Variants in DLG2 observed in about 807,000 individuals in gnomAD.
The protein encoded by DLG2 is discs large MAGUK scaffold protein 2, also known as disks large homolog 2.
DLG2 carries 45 observed loss-of-function variants against 132.5 expected under a neutral mutation model. The ratio of observed to expected loss-of-function variants is 0.34; its 90% CI spans 0.27 to 0.44. The LOEUF (loss-of-function observed/expected upper bound fraction) is 0.44. DLG2 is among the 20% of genes least tolerant of loss of function. DLG2 has a pLI of 1.00. For missense variants in DLG2, 1,045 were observed against 1,196.9 expected, an observed-to-expected ratio of 0.87 and a Z score of 1.87; for synonymous variants, 424 against 419.6, an observed-to-expected ratio of 1.01 and a Z score of -0.13.
rs769206744 is a variant in DLG2, at chr11:83,456,919, G to T, written c.*2899C>A. ...TGCAAATAAATAGCCAAGAAATCCC[G>T]CAAAAGGCCTGCAAATAAATGGCCG... On this transcript the variant is annotated 3_prime_UTR_variant, in exon 28 of 28. Coordinates refer to ENST00000376104, the MANE Select transcript of DLG2 (RefSeq NM_001142699.3). 6.6e-6 allele frequency: 1 copy of T among 152,570 alleles called. No homozygotes were observed. The highest frequency in any genetic ancestry group is 1.5e-5 in the Non-Finnish European group (1 of 68,012). The allele number at this position is 152,570 out of a possible 1,614,324, so 9.5% of individuals were successfully genotyped here. A position where few individuals can be genotyped will look rare whatever the true frequency, so the allele number is the denominator to read the frequency against.
chr11:83,588,547 G>C (rs1036036628), intron 19 of DLG2, among the ~76,000 whole-genome samples: 1 of 152,048 alleles, frequency 6.6e-6, no homozygotes, highest in Non-Finnish European at 1.5e-5. Flanking sequence ...GGAAAAAACA[G>C]AACAGAAAAA....
chr11:84,440,022 T>G (rs187406271), intron 7 of DLG2, among the ~76,000 whole-genome samples: 1 of 152,338 alleles, frequency 6.6e-6, no homozygotes, highest in African/African-American at 2.4e-5. Context: ...TAAAACTTCA[T>G]GGATCACTAA....
intron 6 of DLG2, among the ~76,000 whole-genome samples, chr11:84,804,527 C>A (rs1440840924): frequency 1.3e-5 from 2 of 152,118 alleles, no homozygotes; most frequent in Non-Finnish European, 2.9e-5. Context: ...CAACTAGTGA[C>A]CCTGGGACCC....
intron 3 of DLG2, among the ~76,000 whole-genome samples, chr11:85,357,778 T>C (rs2083856646): frequency 7.2e-6 from 1 of 138,054 alleles, no homozygotes; most frequent in Non-Finnish European, 1.5e-5. Flanking sequence ...CTTTAAGTTC[T>C]AGGGTACATG....
chr11:83,921,555 C>T (rs1334439428), intron 15 of DLG2, among the ~76,000 whole-genome samples: 1 of 152,140 alleles, frequency 6.6e-6, no homozygotes, highest in Non-Finnish European at 1.5e-5. Context: ...CAATACACAT[C>T]AGTGGTTTTA....
intron 18 of DLG2, among the ~76,000 whole-genome samples, chr11:83,656,354 C>T (rs549662198): frequency 2.0e-5 from 3 of 152,304 alleles, no homozygotes; most frequent in Admixed American, 2.0e-4. Flanking sequence ...CCTTTCCACC[C>T]ATCATTTCCT....
chr11:85,555,799 C>T (rs1263155493), intron 3 of DLG2, among the ~76,000 whole-genome samples: 1 of 151,836 alleles, frequency 6.6e-6, no homozygotes, highest in Non-Finnish European at 1.5e-5. Flanking sequence ...TTTTCTGCCA[C>T]CTCCCTCAGA....
At chr11:83,535,596 C>T (rs537934921) in intron 20 of DLG2, among the ~76,000 whole-genome samples, 1 of 152,024 alleles carries the variant, frequency 6.6e-6, no homozygotes, top group Non-Finnish European at 1.5e-5. Flanking sequence ...GACACACACA[C>T]ATACACTCAC....
intron 19 of DLG2, among the ~76,000 whole-genome samples, chr11:83,607,387 G>GTAT (rs754183899): frequency 3.9e-5 from 6 of 152,158 alleles, no homozygotes; most frequent in Non-Finnish European, 8.8e-5. Flanking sequence ...CTCAGTTAAT[G>GTAT]TATTCATGAA....
In DLG2 at chr11:84,388,075, G is replaced by T. The variant is rs564516188; in HGVS notation, c.520-136784C>A. 3.9e-5 allele frequency among the ~76,000 whole-genome samples: 6 copies of T among 152,284 alleles called. No individual in the cohort carries two copies. In the East Asian group the frequency reaches 1.2e-3, roughly 29 times the overall value. On this transcript the variant is annotated intron_variant, in intron 7 of 27. Coordinates refer to ENST00000376104, the MANE Select transcript of DLG2 (RefSeq NM_001142699.3). ...TTCTATCTTCTTGTTGTTCTACACT[G>T]CACCATTATAGGTGCAACCATACAC...
intron 11 of DLG2, among the ~76,000 whole-genome samples, chr11:84,020,001 A>T (rs1052519063): frequency 2.0e-5 from 3 of 152,158 alleles, no homozygotes; most frequent in African/African-American, 7.2e-5. Flanking sequence ...AAGATGGCAG[A>T]TTCTGGACTA....
intron 4 of DLG2, among the ~76,000 whole-genome samples, chr11:85,262,592 A>C (rs747358124): frequency 2.6e-5 from 4 of 152,210 alleles, no homozygotes; most frequent in Non-Finnish European, 5.9e-5. Context: ...TAAATTTACT[A>C]AGGCTCTAGA....
At chr11:84,267,667 C>T (rs1023907839) in intron 7 of DLG2, among the ~76,000 whole-genome samples, 7 of 152,334 alleles carry the variant, frequency 4.6e-5, no homozygotes, top group African/African-American at 1.4e-4. Flanking sequence ...CAGAAAGTCA[C>T]AGTCCAGCCT....
intron 6 of DLG2, among the ~76,000 whole-genome samples, chr11:84,831,621 C>G (rs1190603997): frequency 6.6e-6 from 1 of 151,596 alleles, no homozygotes; most frequent in Admixed American, 6.6e-5. Context: ...CTCCCTACCC[C>G]TGAATTAGGT....
At chr11:85,464,678 C>G (rs974091400) in intron 3 of DLG2, among the ~76,000 whole-genome samples, 1 of 151,978 alleles carries the variant, frequency 6.6e-6, no homozygotes, top group Non-Finnish European at 1.5e-5. Flanking sequence ...GAAACTATTC[C>G]CATTTTAGCA....
Position 83,708,788 on chromosome 11 carries a change from A to G in DLG2, c.1826-75463T>C, listed in dbSNP as rs138785760. ...TTTTAATGGGATATGGAACCCAGAT[A>G]CTAAGGAAGAAACTGGGGGATAGAA... On this transcript the variant is annotated intron_variant, in intron 18 of 27. Transcript: ENST00000376104. Among the ~76,000 whole-genome samples, 139 of 152,318 alleles carry G rather than the reference A, an allele frequency of 9.1e-4. 1 individual carries two copies. Among genetic ancestry groups the G allele is most frequent in the South Asian group, 8.9e-3 (43 of 4,828 alleles).
At chr11:84,458,479 C>A (rs1221571871) in intron 7 of DLG2, among the ~76,000 whole-genome samples, 2 of 150,566 alleles carry the variant, frequency 1.3e-5, no homozygotes, top group Non-Finnish European at 3.0e-5. Flanking sequence ...AAAATCAGTA[C>A]CCATTGGTAT....
At chr11:84,285,881 G>A (rs2097904666) in intron 7 of DLG2, among the ~76,000 whole-genome samples, 1 of 152,166 alleles carries the variant, frequency 6.6e-6, no homozygotes. Context: ...GCATGAGTAG[G>A]TACTCAATAA....
At chr11:84,749,656 A>C (rs2065848700) in intron 6 of DLG2, among the ~76,000 whole-genome samples, 1 of 152,118 alleles carries the variant, frequency 6.6e-6, no homozygotes, top group African/African-American at 2.4e-5. Context: ...AAATTGCCTA[A>C]TGATGCATTT....
Sources: allele counts gnomAD v4.1 joint callset (sites outside exome capture counted in the v4.1 genomes callset), GRCh38; gene constraint gnomAD v4.1.1; transcripts MANE v1.5; gene names NCBI Gene and HGNC (gene_info 2026-07-23, HGNC 2026-07-21).